CLSTN2: variants seen among roughly 807,000 people sequenced by gnomAD.
The protein encoded by CLSTN2 is calsyntenin 2, also known as calsyntenin-2.
CLSTN2 carries 48 observed loss-of-function variants against 101.2 expected under a neutral mutation model. The ratio of observed to expected loss-of-function variants is 0.47; its 90% confidence interval spans 0.38 to 0.60. CLSTN2 has a LOEUF of 0.60. Ranked by LOEUF, CLSTN2 falls within the 20% of genes least tolerant of loss-of-function variation. The probability of loss-of-function intolerance (pLI) is 0.00; values close to 1 mark genes in which losing one functional copy is unlikely to be tolerated. For synonymous variants in CLSTN2, 481 were observed against 463.6 expected (o/e 1.04, Z -0.48); for missense variants, 1,160 against 1,238.2 (o/e 0.94, Z 0.95).
chr3:140,168,674 T>C (rs2010169323), intron 1 of CLSTN2, among the ~76,000 whole-genome samples: 1 of 152,108 alleles, frequency 6.6e-6, no homozygotes, highest in Admixed American at 6.6e-5. Context: ...AATTTTTGTT[T>C]GTATAGCACA....
At position 140,403,777 on chromosome 3, in the gene CLSTN2, T is replaced by C. The variant is rs1309380376; in HGVS notation, c.381T>C (p.Tyr127=). The C allele has an allele frequency of 1.9e-6, 3 of 1,614,128 alleles. No individual in the cohort carries two copies. Among genetic ancestry groups the C allele is most frequent in the Middle Eastern group, 1.7e-4 (1 of 6,056 alleles). The change falls in exon 3 of 17, where the codon TAT becomes TAC. Residue 127 remains tyrosine (Y), a synonymous_variant. Coordinates refer to ENST00000458420, the MANE Select transcript of CLSTN2 (RefSeq NM_022131.3). ...AGTACACATTCATCATCCAGGCCTA[T>C]GACTGTGGTGCTGGGCCCCACGAGA... The part of the protein sequence containing the change: ...QKEYTFIIQA[Y]DCGAGPHETA...
At chr3:140,549,361 G>A (rs1169645679) in intron 10 of CLSTN2, among the ~76,000 whole-genome samples, 1 of 151,510 alleles carries the variant, frequency 6.6e-6, no homozygotes, top group Non-Finnish European at 1.5e-5. Flanking sequence ...AAAAAACTGT[G>A]GGGACTGAGG....
At chr3:140,205,813 A>T (rs1415911003) in intron 2 of CLSTN2, among the ~76,000 whole-genome samples, 1 of 152,132 alleles carries the variant, frequency 6.6e-6, no homozygotes, top group Non-Finnish European at 1.5e-5. Flanking sequence ...TTACTCCCTG[A>T]TCAAGGCAGA....
chr3:139,974,199 T>C (rs1371156531), intron 1 of CLSTN2, among the ~76,000 whole-genome samples: 1 of 152,196 alleles, frequency 6.6e-6, no homozygotes, highest in African/African-American at 2.4e-5. Context: ...TAAACATTTG[T>C]GGGAAACTGC....
intron 4 of CLSTN2, among the ~76,000 whole-genome samples, chr3:140,406,539 T>G (rs1045099778): frequency 4.0e-4 from 61 of 152,318 alleles, no homozygotes; most frequent in African/African-American, 1.2e-3. Flanking sequence ...GAAGGTAATT[T>G]TAATTAGTAG....
In CLSTN2 at chr3:140,462,113, T is replaced by C. The variant is rs115082481; in HGVS notation, c.1222+2344T>C. On this transcript the variant is annotated intron_variant, in intron 7 of 16. Coordinates refer to ENST00000458420, the MANE Select transcript of CLSTN2 (RefSeq NM_022131.3). Reference sequence around the variant, plus strand: ...TAACCACTAGGGAAATATTTTCTGATAACATTTAGTACATTTCATTACAAT... The same window carrying C: ...TAACCACTAGGGAAATATTTTCTGACAACATTTAGTACATTTCATTACAAT... Among the ~76,000 whole-genome samples the C allele has an allele frequency of 4.6e-3, 695 of 152,308 alleles. 8 individuals are homozygous for C. Among genetic ancestry groups the C allele is most frequent in the African/African-American group, 0.016 (672 of 41,568 alleles).
intron 9 of CLSTN2, among the ~76,000 whole-genome samples, chr3:140,538,669 G>A (rs1336441435): frequency 2.0e-5 from 3 of 152,200 alleles, no homozygotes; most frequent in Non-Finnish European, 2.9e-5. Context: ...GTCTAATTTA[G>A]TACAAACTTC....
In CLSTN2 at chr3:140,085,338, A is replaced by G. The variant is rs541429570; in HGVS notation, c.110-90613A>G. Reference sequence around the variant, plus strand: ...GAGAGAGCCTCATTTTCTTACAGTGACAAGCTTTCTGACCAGCCTTTAGAC... The same window carrying G: ...GAGAGAGCCTCATTTTCTTACAGTGGCAAGCTTTCTGACCAGCCTTTAGAC... On this transcript the variant is annotated intron_variant, in intron 1 of 16. Transcript: ENST00000458420. Among the ~76,000 whole-genome samples the G allele has an allele frequency of 2.5e-4, 38 of 152,320 alleles. No homozygotes were observed. In the South Asian group the frequency reaches 7.5e-3, roughly 30 times the overall value.
intron 2 of CLSTN2, among the ~76,000 whole-genome samples, chr3:140,215,276 C>G (rs2010906346): frequency 6.6e-6 from 1 of 152,154 alleles, no homozygotes; most frequent in South Asian, 2.1e-4. Context: ...TCCCATTTCC[C>G]CTTACTTGTG....
intron 2 of CLSTN2, among the ~76,000 whole-genome samples, chr3:140,309,629 C>T (rs898674549): frequency 1.3e-5 from 2 of 152,080 alleles, no homozygotes; most frequent in East Asian, 3.9e-4. Context: ...ACAGCAGGGT[C>T]CCTCAGTGAT....
At chr3:140,190,038 A>G (rs1180167046) in intron 2 of CLSTN2, among the ~76,000 whole-genome samples, 4 of 152,176 alleles carry the variant, frequency 2.6e-5, no homozygotes, top group Non-Finnish European at 5.9e-5. Flanking sequence ...AAGTCCTCAC[A>G]GGGTAGAAAG....
At chr3:140,100,820 C>T (rs2107789903) in intron 1 of CLSTN2, among the ~76,000 whole-genome samples, 1 of 152,336 alleles carries the variant, frequency 6.6e-6, no homozygotes, top group African/African-American at 2.4e-5. Flanking sequence ...TCCGTAAATC[C>T]TGAAGTGATG....
At chr3:140,299,230 C>T (rs1293732139) in intron 2 of CLSTN2, among the ~76,000 whole-genome samples, 1 of 152,196 alleles carries the variant, frequency 6.6e-6, no homozygotes, top group African/African-American at 2.4e-5. Flanking sequence ...GGGGCTGTAA[C>T]CCTGGACAGC....
At chr3:140,564,939 C>T (rs1047774618) in intron 16 of CLSTN2, among the ~76,000 whole-genome samples, 3 of 152,114 alleles carry the variant, frequency 2.0e-5, no homozygotes, top group African/African-American at 4.8e-5. Flanking sequence ...AGATGATTAC[C>T]CCAGCCTGGT....
intron 2 of CLSTN2, among the ~76,000 whole-genome samples, chr3:140,330,053 G>T (rs1576518205): frequency 6.6e-6 from 1 of 152,274 alleles, no homozygotes. Context: ...TGCTTCAGGG[G>T]AATTAATGGC....
intron 2 of CLSTN2, among the ~76,000 whole-genome samples, chr3:140,382,817 C>A (rs2088001573): frequency 6.6e-6 from 1 of 152,094 alleles, no homozygotes; most frequent in Non-Finnish European, 1.5e-5. Flanking sequence ...CAAGCAATCT[C>A]CCTTAGACCT....
intron 8 of CLSTN2, among the ~76,000 whole-genome samples, chr3:140,476,061 G>A (rs1018400642): frequency 1.3e-5 from 2 of 152,162 alleles, no homozygotes; most frequent in Non-Finnish European, 2.9e-5. Context: ...TACCTTTCTC[G>A]TTTCCTTTGG....
At chr3:140,353,145 T>G (rs1057364685) in intron 2 of CLSTN2, among the ~76,000 whole-genome samples, 3 of 151,820 alleles carry the variant, frequency 2.0e-5, no homozygotes, top group Middle Eastern at 3.2e-3. Flanking sequence ...TATGCTATTT[T>G]TATCAGTAAC....
intron 2 of CLSTN2, among the ~76,000 whole-genome samples, chr3:140,217,017 A>G (rs1341968173): frequency 3.3e-5 from 5 of 152,180 alleles, no homozygotes. Flanking sequence ...AGAGAAGTGA[A>G]GTAACTTAAC....
Sources: allele counts gnomAD v4.1 joint callset (sites outside exome capture counted in the v4.1 genomes callset), GRCh38; gene constraint gnomAD v4.1.1; transcripts MANE v1.5; gene names NCBI Gene and HGNC (gene_info 2026-07-23, HGNC 2026-07-21).